Variants in ASCC3 observed in about 807,000 individuals in gnomAD.
ASCC3 encodes activating signal cointegrator 1 complex subunit 3.
ASCC3 carries 158 observed loss-of-function variants against 256.3 expected under a neutral mutation model. The ratio of observed to expected loss-of-function variants is 0.62; its 90% CI spans 0.54 to 0.70. ASCC3 has a LOEUF of 0.70. Ranked by LOEUF, ASCC3 falls within the 30% of genes least tolerant of loss-of-function variation. The pLI is 0.00. For missense variants in ASCC3, 2,259 were observed against 2,626.0 expected, an observed-to-expected ratio of 0.86 and a Z score of 3.05; for synonymous variants, 948 against 883.4, an observed-to-expected ratio of 1.07 and a Z score of -1.30.
intron 13 of ASCC3, among the ~76,000 whole-genome samples, chr6:100,685,851 C>A (rs1777544273): frequency 6.6e-6 from 1 of 152,310 alleles, no homozygotes; most frequent in Non-Finnish European, 1.5e-5. Flanking sequence ...CAAGAATCAT[C>A]CATAGTTAGA....
intron 36 of ASCC3, among the ~76,000 whole-genome samples, chr6:100,581,725 T>G (rs1208260664): frequency 6.6e-6 from 1 of 152,098 alleles, no homozygotes; most frequent in Non-Finnish European, 1.5e-5. Flanking sequence ...AGGTCTAACG[T>G]TTAAGTCTTT....
At chr6:100,563,623 GC>G (rs1326277269) in intron 36 of ASCC3, among the ~76,000 whole-genome samples, 1 of 152,088 alleles carries the variant, frequency 6.6e-6, no homozygotes, top group Non-Finnish European at 1.5e-5. Context: ...AAGGGGAAGA[GC>G]AGTTGAAGAT....
intron 37 of ASCC3, among the ~76,000 whole-genome samples, chr6:100,525,188 G>GAAAGAA (rs970452301): frequency 1.8e-5 from 2 of 113,946 alleles, no homozygotes; most frequent in Non-Finnish European, 3.8e-5. Flanking sequence ...AAAAAAGAAA[G>GAAAGAA]AAAGAAAAAG....
intron 13 of ASCC3, among the ~76,000 whole-genome samples, chr6:100,713,331 A>T (rs888205076): frequency 4.6e-5 from 7 of 152,198 alleles, no homozygotes; most frequent in African/African-American, 1.7e-4. Context: ...AAAAGGCTAC[A>T]TACTATGTGG....
chr6:100,513,128 C>T (rs1051567718), intron 39 of ASCC3, among the ~76,000 whole-genome samples: 4 of 152,148 alleles, frequency 2.6e-5, no homozygotes, highest in African/African-American at 9.7e-5. Context: ...AACTACGGTA[C>T]TTATTACTAC....
chr6:100,585,586 AG>A (rs1235047678), intron 36 of ASCC3, among the ~76,000 whole-genome samples: 34 of 152,190 alleles, frequency 2.2e-4, no homozygotes, highest in African/African-American at 8.2e-4. Flanking sequence ...AAATCATCAA[AG>A]TCATTCTCCC....
At chr6:100,544,156 GA>G (rs1775594800) in intron 36 of ASCC3, among the ~76,000 whole-genome samples, 9 of 152,054 alleles carry the variant, frequency 5.9e-5, no homozygotes, top group African/African-American at 2.2e-4. Context: ...GATTTTGTGG[GA>G]TATCATTGGA....
intron 25 of ASCC3, among the ~76,000 whole-genome samples, chr6:100,633,808 A>G (rs117364591): frequency 0.015 from 2,325 of 151,322 alleles, 22 homozygotes; most frequent in East Asian, 0.045. Context: ...CGGGAGATGG[A>G]GGTTGCGGTA....
At chr6:100,601,267 C>T (rs1162056259) in intron 34 of ASCC3, among the ~76,000 whole-genome samples, 1 of 151,934 alleles carries the variant, frequency 6.6e-6, no homozygotes, top group African/African-American at 2.4e-5. Flanking sequence ...AAAGATCAGC[C>T]CTTAAAAAAC....
At chr6:100,723,247 A>T (rs1263227479) in intron 11 of ASCC3, among the ~76,000 whole-genome samples, 1 of 151,730 alleles carries the variant, frequency 6.6e-6, no homozygotes, top group Non-Finnish European at 1.5e-5. Context: ...AATAATATTA[A>T]CAAGTTGTTT....
intron 36 of ASCC3, among the ~76,000 whole-genome samples, chr6:100,564,398 A>G (rs1770124043): frequency 6.6e-6 from 1 of 151,828 alleles, no homozygotes; most frequent in Non-Finnish European, 1.5e-5. Context: ...TCTACTCCCT[A>G]CCTCCATGAG....
At position 100,701,586 on chromosome 6, in the gene ASCC3, A is replaced by G. The variant is rs560382278; in HGVS notation, c.2151+13876T>C. On this transcript the variant is annotated intron_variant, in intron 13 of 41. Transcript: ENST00000369162. ...TGCATCCCCATGCATTAAGCAACGCATGTCAGTACAATGGTGAGCAAAACC... is the reference window on the plus strand; with the variant it reads ...TGCATCCCCATGCATTAAGCAACGCGTGTCAGTACAATGGTGAGCAAAACC... Among the ~76,000 whole-genome samples, 27 of 152,304 alleles carry G rather than the reference A, an allele frequency of 1.8e-4. 2 individuals carry two copies. The South Asian group carries it at 5.6e-3, about 32-fold the overall frequency.
chr6:100,759,121 G>T (rs1241916544), intron 10 of ASCC3, among the ~76,000 whole-genome samples: 2 of 152,150 alleles, frequency 1.3e-5, no homozygotes, highest in African/African-American at 2.4e-5. Flanking sequence ...TAAGTTCCTT[G>T]TAGATTCTGG....
At chr6:100,590,124 G>T in intron 34 of ASCC3, 65 bp from the exon 35 acceptor site, 1 of 1,052,144 alleles carries the variant, frequency 9.5e-7, no homozygotes, top group South Asian at 1.3e-5. Context: ...TATCACCTCA[G>T]TTTCACAGAA....
At chr6:100,650,440 G>A in intron 20 of ASCC3, 98 bp downstream of exon 20, 1 of 1,207,698 alleles carries the variant, frequency 8.3e-7, no homozygotes, top group Non-Finnish European at 1.2e-6. Context: ...TTGGTAGCAT[G>A]TCACAAAGCA....
intron 17 of ASCC3, among the ~76,000 whole-genome samples, chr6:100,654,715 T>C (rs116954636): frequency 0.015 from 2,337 of 152,120 alleles, 22 homozygotes; most frequent in East Asian, 0.044. Context: ...GTGAGTCCCA[T>C]CTAGAGTAAA....
chr6:100,751,561 T>TA (rs920130035), intron 10 of ASCC3, among the ~76,000 whole-genome samples: 72 of 146,164 alleles, frequency 4.9e-4, no homozygotes, highest in Non-Finnish European at 6.2e-4. Flanking sequence ...GTACATCCAA[T>TA]AAAAAAAAAA....
chr6:100,701,964 G>A (rs1778378396), intron 13 of ASCC3, among the ~76,000 whole-genome samples: 1 of 152,092 alleles, frequency 6.6e-6, no homozygotes, highest in Non-Finnish European at 1.5e-5. Flanking sequence ...GAAAGAGAGA[G>A]AGAAATATGT....
chr6:100,591,155 G>C (rs2114774801), intron 34 of ASCC3, among the ~76,000 whole-genome samples: 1 of 152,166 alleles, frequency 6.6e-6, no homozygotes, highest in East Asian at 1.9e-4. Flanking sequence ...ACTGAACCTA[G>C]TGCTGTCATT....
Sources: allele counts gnomAD v4.1 joint callset (sites outside exome capture counted in the v4.1 genomes callset), GRCh38; gene constraint gnomAD v4.1.1; transcripts MANE v1.5; gene names NCBI Gene and HGNC (gene_info 2026-07-23, HGNC 2026-07-21).